The following CHD7 variants were observed in gnomAD, a reference collection of about 807,000 sequenced individuals.
The protein encoded by CHD7 is ATP-dependent chromatin remodeler CHD7.
CHD7 carries 24 observed loss-of-function variants against 307.3 expected under a neutral mutation model. The ratio of observed to expected loss-of-function variants is 0.08; its 90% confidence interval spans 0.06 to 0.11. CHD7 has a LOEUF of 0.11. CHD7 is among the 10% of genes least tolerant of loss of function. The pLI, the probability that CHD7 is intolerant of heterozygous loss-of-function variation, is 1.00. For synonymous variants in CHD7, 1,363 were observed against 1,349.9 expected (o/e 1.01, Z -0.21); for missense variants, 3,106 against 3,727.1 (o/e 0.83, Z 4.34).
intron 3 of CHD7, among the ~76,000 whole-genome samples, chr8:60,785,593 C>T (rs1811453529): frequency 6.6e-6 from 1 of 152,136 alleles, no homozygotes; most frequent in African/African-American, 2.4e-5. Context: ...CAACGTTTAC[C>T]TGAGAAATAC....
At chr8:60,805,791 A>T (rs1016411167) in intron 6 of CHD7, among the ~76,000 whole-genome samples, 1 of 152,206 alleles carries the variant, frequency 6.6e-6, no homozygotes, top group Non-Finnish European at 1.5e-5. Flanking sequence ...AGACATGATA[A>T]ATCTTGTTTA....
intron 23 of CHD7, among the ~76,000 whole-genome samples, chr8:60,847,194 C>T (rs1204465828): frequency 2.0e-5 from 3 of 152,158 alleles, no homozygotes; most frequent in Admixed American, 1.3e-4. Context: ...CGTGAGTAGG[C>T]TCGTGGTTGG....
intron 1 of CHD7, among the ~76,000 whole-genome samples, chr8:60,681,474 T>C (rs1289194051): frequency 6.6e-6 from 1 of 152,188 alleles, no homozygotes; most frequent in Non-Finnish European, 1.5e-5. Flanking sequence ...TGGTTTGCCT[T>C]TCTAGGTGAT....
intron 3 of CHD7, among the ~76,000 whole-genome samples, chr8:60,793,362 C>T (rs2150694251): frequency 6.6e-6 from 1 of 151,944 alleles, no homozygotes; most frequent in South Asian, 2.1e-4. Context: ...AACCTAACTG[C>T]CATTTGCTAT....
chr8:60,814,746 G>A (rs2150735919), intron 7 of CHD7, among the ~76,000 whole-genome samples: 1 of 152,254 alleles, frequency 6.6e-6, no homozygotes, highest in African/African-American at 2.4e-5. Flanking sequence ...TTATTTATTG[G>A]AAATTTGGAA....
Position 60,795,141 on chromosome 8 carries a change from T to C in CHD7, c.2238+14T>C. 3 of 1,608,718 alleles carry C rather than the reference T, an allele frequency of 1.9e-6. No individual in the cohort carries two copies. Among genetic ancestry groups the C allele is most frequent in the Non-Finnish European group, 2.5e-6 (3 of 1,177,992 alleles). ...CCAGGTGTTCAGGTAATACAATTAT[T>C]GTGATTCCCGAGCCTTGGTTATTTG... On this transcript the variant is annotated intron_variant, in intron 4 of 37. Coordinates refer to ENST00000423902, the MANE Select transcript of CHD7 (RefSeq NM_017780.4).
intron 21 of CHD7, among the ~76,000 whole-genome samples, chr8:60,842,465 T>G (rs1360846194): frequency 6.6e-6 from 1 of 152,266 alleles, no homozygotes; most frequent in Non-Finnish European, 1.5e-5. Flanking sequence ...CTTGTTAAAT[T>G]CTTCCTTGCA....
intron 2 of CHD7, among the ~76,000 whole-genome samples, chr8:60,763,652 C>T (rs746765137): frequency 7.9e-5 from 12 of 152,150 alleles, no homozygotes; most frequent in Non-Finnish European, 1.8e-4. Flanking sequence ...TTCGTTGAGA[C>T]ATTGGACCTT....
intron 2 of CHD7, among the ~76,000 whole-genome samples, chr8:60,777,867 A>T (rs1811025610): frequency 6.6e-6 from 1 of 152,224 alleles, no homozygotes; most frequent in Non-Finnish European, 1.5e-5. Context: ...GAATTATAGT[A>T]GAATATATGT....
intron 1 of CHD7, among the ~76,000 whole-genome samples, chr8:60,681,556 G>T (rs1023150254): frequency 2.0e-5 from 3 of 152,142 alleles, no homozygotes; most frequent in African/African-American, 7.2e-5. Context: ...CTGTCTTGTA[G>T]AAAAAAGTTA....
chr8:60,808,475 T>G (rs2150724442), intron 7 of CHD7, among the ~76,000 whole-genome samples: 1 of 152,358 alleles, frequency 6.6e-6, no homozygotes, highest in South Asian at 2.1e-4. Context: ...GTGTAAAAGT[T>G]GACTAACTTC....
chr8:60,720,205 C>T (rs111276254), intron 1 of CHD7, among the ~76,000 whole-genome samples: 16 of 152,238 alleles, frequency 1.1e-4, no homozygotes, highest in African/African-American at 2.9e-4. Context: ...TTTCAATGGC[C>T]GGTTGGGTCA....
intron 6 of CHD7, among the ~76,000 whole-genome samples, chr8:60,807,178 C>A (rs374588275): frequency 6.6e-6 from 1 of 152,170 alleles, no homozygotes; most frequent in Admixed American, 6.5e-5. Flanking sequence ...CCAGTAGAAG[C>A]CTTTGCTCTT....
At chr8:60,717,033 CTTTTTT>C (rs57809302) in intron 1 of CHD7, among the ~76,000 whole-genome samples, 1 of 134,970 alleles carries the variant, frequency 7.4e-6, no homozygotes, top group Non-Finnish European at 1.6e-5. Flanking sequence ...TACCTTAAGC[CTTTTTT>C]TTTTTTTTTT....
intron 2 of CHD7, among the ~76,000 whole-genome samples, chr8:60,759,406 C>T (rs1488772167): frequency 2.1e-5 from 3 of 146,066 alleles, no homozygotes; most frequent in Admixed American, 6.8e-5. Context: ...TCTCTCTCTC[C>T]GCCTCCCTTT....
rs751726519 is a variant in CHD7, at chr8:60,830,412, A to G, written c.3613A>G (p.Ile1205Val). Reference sequence around the variant, plus strand: ...GAACTTGGCCCCCAAAGAAGAAACTATTATTGAAGTTGAGCTAACAAACAT... The same window carrying G: ...GAACTTGGCCCCCAAAGAAGAAACTGTTATTGAAGTTGAGCTAACAAACAT... ...EKNLAPKEET[I>V]IEVELTNIQK... Residue 1205 changes from isoleucine (I) to valine (V), a missense_variant, in exon 15 of 38, where the codon ATT becomes GTT. This residue lies in a region of CHD7 where 232 missense variants were observed against 422.5 expected (regional missense o/e 0.55). Coordinates refer to ENST00000423902, the MANE Select transcript of CHD7 (RefSeq NM_017780.4). 41 of 1,613,888 alleles carry G rather than the reference A, an allele frequency of 2.5e-5. No individual in the cohort carries two copies. The Middle Eastern group carries it at 2.1e-3, about 84-fold the overall frequency.
At chr8:60,743,464 T>C (rs1280189478) in intron 2 of CHD7, among the ~76,000 whole-genome samples, 1 of 152,242 alleles carries the variant, frequency 6.6e-6, no homozygotes, top group Non-Finnish European at 1.5e-5. Flanking sequence ...AAAAATACAC[T>C]GACACTTGGT....
rs565286890 is a variant in CHD7 at position 60,743,849 on chromosome 8, CT to C, written c.1665+753del. On this transcript the variant is annotated intron_variant, in intron 2 of 37. Coordinates refer to ENST00000423902, the MANE Select transcript of CHD7 (RefSeq NM_017780.4). The stretch of plus-strand genomic sequence containing the variant: ...AGGTCTGTGAAAGATAAATTAATGC[CT>C]GTGTATACAGATTATTCTTAGTGCT... 2.2e-3 allele frequency among the ~76,000 whole-genome samples: 338 copies of C among 152,222 alleles called. 2 individuals are homozygous for C. The highest frequency in any genetic ancestry group is 3.6e-3 in the Non-Finnish European group (246 of 68,022).
chr8:60,738,949 G>T (rs1808848162), intron 1 of CHD7, among the ~76,000 whole-genome samples: 1 of 152,200 alleles, frequency 6.6e-6, no homozygotes, highest in South Asian at 2.1e-4. Context: ...CTCAGGCAGG[G>T]CTGTTTTTCC....
Sources: allele counts gnomAD v4.1 joint callset (sites outside exome capture counted in the v4.1 genomes callset), GRCh38; gene constraint gnomAD v4.1.1; regional missense constraint gnomAD v4.1.1; transcripts MANE v1.5; gene names NCBI Gene and HGNC (gene_info 2026-07-23, HGNC 2026-07-21).